Variants in ARSG observed in about 807,000 individuals in gnomAD.
The protein encoded by ARSG is arylsulfatase G.
In ARSG, 37 loss-of-function variants were observed where a neutral mutation model predicts 50.5. That is an observed-to-expected ratio of 0.73 (90% CI 0.56 to 0.96). ARSG has a LOEUF of 0.96. ARSG is among the 50% of genes least tolerant of loss of function. The probability of loss-of-function intolerance (pLI) is 0.00; values close to 1 mark genes in which losing one functional copy is unlikely to be tolerated. For missense variants in ARSG, 629 were observed against 675.3 expected (o/e 0.93, Z 0.76); for synonymous variants, 225 against 254.6 (o/e 0.88, Z 1.11).
chr17:68,422,793 ACT>A (rs1213026770), downstream of ARSG: 1 of 150,160 alleles, frequency 6.7e-6, no homozygotes, highest in Non-Finnish European at 1.5e-5. Context: ...TGATTTCCTG[ACT>A]CTTGCTCACA....
At chr17:68,317,170 C>G (rs547274423) in intron 2 of ARSG, among the ~76,000 whole-genome samples, 1 of 152,230 alleles carries the variant, frequency 6.6e-6, no homozygotes, top group South Asian at 2.1e-4. Flanking sequence ...GGAAGAAAAG[C>G]AGAATCTTTC....
chr17:68,289,590 CCAAGTTGT>C (rs2075921997), upstream of ARSG, among the ~76,000 whole-genome samples: 1 of 152,080 alleles, frequency 6.6e-6, no homozygotes, highest in South Asian at 2.1e-4. Context: ...TGTTTCTGGC[CCAAGTTGT>C]CAAAACCAGT....
chr17:68,362,783 A>G (rs1475889241), intron 6 of ARSG, among the ~76,000 whole-genome samples: 2 of 152,184 alleles, frequency 1.3e-5, no homozygotes, highest in East Asian at 3.8e-4. Flanking sequence ...TGCGCTGCCT[A>G]TACTAACTTT....
At chr17:68,375,002 T>G (rs901522683) in intron 8 of ARSG, among the ~76,000 whole-genome samples, 1 of 152,214 alleles carries the variant, frequency 6.6e-6, no homozygotes, top group African/African-American at 2.4e-5. Flanking sequence ...GAGCACCTAC[T>G]GTGTGCCAGG....
intron 6 of ARSG, among the ~76,000 whole-genome samples, chr17:68,366,168 A>C (rs28633532): frequency 0.096 from 14,620 of 151,788 alleles, 985 homozygotes; most frequent in African/African-American, 0.19. Flanking sequence ...CAAACTCCTG[A>C]CCTCAAATGA....
At chr17:68,325,808 C>T (rs2077482131) in intron 2 of ARSG, among the ~76,000 whole-genome samples, 1 of 152,232 alleles carries the variant, frequency 6.6e-6, no homozygotes, top group Admixed American at 6.5e-5. Flanking sequence ...GAGAAAAGAG[C>T]TATTTCTCAT....
intron 6 of ARSG, 39 bp from the exon 7 acceptor site, chr17:68,368,509 A>T: frequency 6.3e-7 from 1 of 1,594,884 alleles, no homozygotes; most frequent in Non-Finnish European, 8.6e-7. Flanking sequence ...GAGCCAGGAG[A>T]GCCTTCTGCA....
In ARSG at chr17:68,299,249, C is replaced by T. The variant is rs371711134; in HGVS notation, c.-552+7681C>T. Among the ~76,000 whole-genome samples, 25 of 151,758 alleles carry T rather than the reference C, an allele frequency of 1.6e-4. 1 individual carries two copies. In the East Asian group the frequency reaches 4.3e-3, roughly 26 times the overall value. On this transcript the variant is annotated intron_variant, in intron 1 of 11. Transcript: ENST00000621439. Reference sequence around the variant, plus strand: ...CCTCCTGAGTAGCCAGGATTACAGGCGCCCACCACCACGCCCGGCTAATTT... The same window carrying T: ...CCTCCTGAGTAGCCAGGATTACAGGTGCCCACCACCACGCCCGGCTAATTT...
At chr17:68,269,060 C>T (rs1334811253) in intron 1 of ARSG, 3 of 1,585,628 alleles carry the variant, frequency 1.9e-6, no homozygotes, top group Non-Finnish European at 2.6e-6. Flanking sequence ...CATCCCTCTC[C>T]AGCCAACACA....
the ARSG span, among the ~76,000 whole-genome samples, chr17:68,449,887 T>C: frequency 6.6e-6 from 1 of 152,206 alleles, no homozygotes; most frequent in Non-Finnish European, 1.5e-5. Flanking sequence ...GGTGCCCACC[T>C]GTAGTCCCAG....
the ARSG span, among the ~76,000 whole-genome samples, chr17:68,436,948 C>T: frequency 2.7e-5 from 4 of 150,942 alleles, no homozygotes; most frequent in South Asian, 2.1e-4. Flanking sequence ...GAGTGGAGAT[C>T]GTGCCACTGC....
intron 10 of ARSG, among the ~76,000 whole-genome samples, chr17:68,398,399 G>GTA (rs1473966423): frequency 5.3e-5 from 8 of 152,200 alleles, no homozygotes; most frequent in African/African-American, 1.7e-4. Context: ...ATACATACGT[G>GTA]TATATATATG....
At chr17:68,433,276 G>A in the ARSG span, among the ~76,000 whole-genome samples, 126 of 152,356 alleles carry the variant, frequency 8.3e-4, no homozygotes, top group Middle Eastern at 3.4e-3. Context: ...TCACGTGGGT[G>A]GCTCCCAGTT....
intron 6 of ARSG, among the ~76,000 whole-genome samples, chr17:68,364,196 GT>G (rs1350283602): frequency 2.0e-5 from 3 of 152,050 alleles, no homozygotes; most frequent in Non-Finnish European, 4.4e-5. Context: ...CTCCTGGAAT[GT>G]CCCCTCTGTC....
At chr17:68,279,612 A>C (rs971293495) in intron 1 of ARSG, among the ~76,000 whole-genome samples, 34 of 152,100 alleles carry the variant, frequency 2.2e-4, no homozygotes, top group African/African-American at 8.0e-4. Context: ...GTTACCCCTA[A>C]CCTCACTGTG....
chr17:68,351,660 G>A lies in ARSG; in HGVS notation c.540G>A (p.Ala180=), dbSNP rs547990547. 5.2e-5 allele frequency: 84 copies of A among 1,612,884 alleles called. No individual in the cohort carries two copies. Among genetic ancestry groups the A allele is most frequent in the Non-Finnish European group, 6.4e-5 (76 of 1,179,108 alleles). The change falls in exon 5 of 12, where the codon GCG becomes GCA. Residue 180 remains alanine (A), a synonymous_variant. Transcript: ENST00000621439. ...GCTACAACCACCCTCCTTGTCCAGC[G>A]TGTCCACAGGGTGATGGACCATCAA... ...TPGYNHPPCP[A]CPQGDGPSRN...
chr17:68,425,615 G>A (rs368359901), downstream of ARSG, among the ~76,000 whole-genome samples: 6 of 152,256 alleles, frequency 3.9e-5, no homozygotes, highest in Admixed American at 2.0e-4. Context: ...TTCACAGAGT[G>A]CAGCAACTCA....
intron 2 of ARSG, among the ~76,000 whole-genome samples, chr17:68,337,836 C>T (rs1345029948): frequency 1.3e-5 from 2 of 152,022 alleles, no homozygotes; most frequent in Non-Finnish European, 1.5e-5. Context: ...AGGCTGGTCT[C>T]GAACTCCCAA....
downstream of ARSG, among the ~76,000 whole-genome samples, chr17:68,425,362 C>G (rs974999070): frequency 6.7e-6 from 1 of 149,890 alleles, no homozygotes; most frequent in Admixed American, 6.8e-5. Context: ...TGACACCACA[C>G]CCGGCTAATT....
Sources: allele counts gnomAD v4.1 joint callset (sites outside exome capture counted in the v4.1 genomes callset), GRCh38; gene constraint gnomAD v4.1.1; transcripts MANE v1.5; gene names NCBI Gene and HGNC (gene_info 2026-07-23, HGNC 2026-07-21).